Variants in MICU1 observed in about 807,000 individuals in gnomAD.
MICU1 encodes the protein mitochondrial calcium uptake 1, also known as calcium uptake protein 1, mitochondrial.
In MICU1, 45 loss-of-function variants were observed where a neutral mutation model predicts 56.8. That is an observed-to-expected ratio of 0.79 (90% CI 0.62 to 1.02). The LOEUF (loss-of-function observed/expected upper bound fraction) is 1.02. MICU1 is among the 50% of genes least tolerant of loss of function. MICU1 has a pLI of 0.00. For missense variants in MICU1, 504 were observed against 587.1 expected, an observed-to-expected ratio of 0.86 and a Z score of 1.46; for synonymous variants, 186 against 195.1, an observed-to-expected ratio of 0.95 and a Z score of 0.39.
intron 10 of MICU1, among the ~76,000 whole-genome samples, chr10:72,402,676 G>T (rs1487872856): frequency 6.6e-6 from 1 of 152,154 alleles, no homozygotes; most frequent in Non-Finnish European, 1.5e-5. Context: ...CATCAACAGT[G>T]AAATAAACAC....
chr10:72,369,645 C>G (rs1280239724), intron 11 of MICU1, among the ~76,000 whole-genome samples: 3 of 151,750 alleles, frequency 2.0e-5, no homozygotes, highest in Non-Finnish European at 2.9e-5. Flanking sequence ...TCCTAATCCA[C>G]CCTCTTCAGT....
chr10:72,467,173 G>GT (rs1865820221), intron 8 of MICU1, among the ~76,000 whole-genome samples: 1 of 151,472 alleles, frequency 6.6e-6, no homozygotes, highest in South Asian at 2.1e-4. Context: ...TAATTTTCTG[G>GT]TTTTTTGTTT....
At chr10:72,491,414 T>C (rs138301070) in intron 6 of MICU1, among the ~76,000 whole-genome samples, 23 of 152,328 alleles carry the variant, frequency 1.5e-4, no homozygotes, top group East Asian at 5.8e-4. Flanking sequence ...TTTGGGACCA[T>C]TGCTTTTCTT....
At chr10:72,583,281 CA>C (rs773298403) in intron 1 of MICU1, among the ~76,000 whole-genome samples, 2 of 100,874 alleles carry the variant, frequency 2.0e-5, no homozygotes, top group Admixed American at 9.5e-5. Context: ...TGGCTGAATG[CA>C]TTTTTTTTTT....
At position 72,456,849 on chromosome 10, in the gene MICU1, T is replaced by TTGTGTGTG. The variant is rs56262647; in HGVS notation, c.933+18243_933+18250dup. 7.5e-3 allele frequency among the ~76,000 whole-genome samples: 1,006 copies of TTGTGTGTG among 134,436 alleles called. 8 individuals are homozygous for TTGTGTGTG. Among genetic ancestry groups the TTGTGTGTG allele is most frequent in the East Asian group, 0.031 (116 of 3,696 alleles). 88.2% of individuals were successfully genotyped at this position (134,436 alleles called of 152,430 possible). On this transcript the variant is annotated intron_variant, in intron 8 of 11. Transcript: ENST00000361114. The stretch of plus-strand genomic sequence containing the variant: ...GATGCACCACCATGCCGGGCTCATT[T>TTGTGTGTG]TGTGTGTGTGTGTGTGTGTGTGTGT...
At chr10:72,423,423 C>T (rs890854342) in intron 8 of MICU1, 52 bp from the exon 9 acceptor site, 13 of 1,581,476 alleles carry the variant, frequency 8.2e-6, no homozygotes, top group Non-Finnish European at 9.5e-6. Context: ...AGTATTTTGA[C>T]GTGGAACACG....
intron 5 of MICU1, chr10:72,531,543 C>T (rs1451685882): frequency 6.6e-6 from 1 of 151,852 alleles, no homozygotes; most frequent in African/African-American, 2.4e-5. Flanking sequence ...CATGGTGAAA[C>T]CCTGTCTCTA....
intron 1 of MICU1, among the ~76,000 whole-genome samples, chr10:72,579,021 G>GCTTTATGGC (rs1039876279): frequency 2.6e-4 from 40 of 152,214 alleles, no homozygotes; most frequent in African/African-American, 8.9e-4. Context: ...TGCGACATTA[G>GCTTTATGGC]CTTTATGGCA....
At chr10:72,407,781 C>G (rs1863676295) in intron 10 of MICU1, 148 bp downstream of exon 10, 2 of 568,352 alleles carry the variant, frequency 3.5e-6, no homozygotes, top group Non-Finnish European at 6.2e-6. Context: ...GGGTGAAATG[C>G]AAGGCTCATA....
At chr10:72,535,213 A>G (rs1302187628) in intron 4 of MICU1, among the ~76,000 whole-genome samples, 1 of 151,408 alleles carries the variant, frequency 6.6e-6, no homozygotes, top group Non-Finnish European at 1.5e-5. Context: ...TATTTTTAGT[A>G]AAGATGGGGT....
intron 1 of MICU1, among the ~76,000 whole-genome samples, chr10:72,618,889 A>T (rs1333563588): frequency 2.6e-5 from 4 of 152,236 alleles, no homozygotes; most frequent in African/African-American, 7.2e-5. Flanking sequence ...ATGAGCTTAA[A>T]TTTAAATTGT....
At chr10:72,563,952 A>T (rs1383408838) in intron 2 of MICU1, among the ~76,000 whole-genome samples, 4 of 152,242 alleles carry the variant, frequency 2.6e-5, no homozygotes, top group Admixed American at 2.0e-4. Flanking sequence ...TTTCACTACA[A>T]TAAAAAGGAA....
intron 6 of MICU1, chr10:72,477,592 G>C (rs1866163045): frequency 1.3e-6 from 2 of 1,506,090 alleles, no homozygotes; most frequent in African/African-American, 1.4e-5. Flanking sequence ...GCTTCAATAT[G>C]GTATTACTTA....
intron 10 of MICU1, among the ~76,000 whole-genome samples, chr10:72,390,157 T>C (rs1863023067): frequency 6.6e-6 from 1 of 151,876 alleles, no homozygotes; most frequent in African/African-American, 2.4e-5. Context: ...GATGTTTTTT[T>C]CAAATGGTAG....
At chr10:72,373,587 A>G (rs1862419682) in intron 11 of MICU1, among the ~76,000 whole-genome samples, 1 of 152,164 alleles carries the variant, frequency 6.6e-6, no homozygotes, top group Non-Finnish European at 1.5e-5. Context: ...GATGTTAAAT[A>G]ATTTTCCAAA....
At chr10:72,406,904 G>T (rs1863649450) in intron 10 of MICU1, among the ~76,000 whole-genome samples, 1 of 152,144 alleles carries the variant, frequency 6.6e-6, no homozygotes, top group African/African-American at 2.4e-5. Context: ...TCGGATTACA[G>T]GCATGAACCA....
chr10:72,430,537 C>T (rs2132155552), intron 8 of MICU1, among the ~76,000 whole-genome samples: 1 of 152,140 alleles, frequency 6.6e-6, no homozygotes, highest in South Asian at 2.1e-4. Flanking sequence ...AAGCCCATGC[C>T]CTGCCTCCCT....
At chr10:72,557,269 T>G (rs1036302948) in intron 3 of MICU1, among the ~76,000 whole-genome samples, 1 of 152,164 alleles carries the variant, frequency 6.6e-6, no homozygotes, top group Non-Finnish European at 1.5e-5. Flanking sequence ...AGTTCCTTCA[T>G]GTACTCAAGT....
At chr10:72,550,448 T>A (rs7070976) in intron 4 of MICU1, among the ~76,000 whole-genome samples, 71,705 of 152,074 alleles carry the variant, frequency 0.47, 20,696 homozygotes, top group Non-Finnish European at 0.68. Flanking sequence ...TCAGAACATA[T>A]CCTCATCATT....
Sources: allele counts gnomAD v4.1 joint callset (sites outside exome capture counted in the v4.1 genomes callset), GRCh38; gene constraint gnomAD v4.1.1; transcripts MANE v1.5; gene names NCBI Gene and HGNC (gene_info 2026-07-23, HGNC 2026-07-21).